The following PRKN variants were observed in gnomAD, a reference collection of about 807,000 sequenced individuals.
The protein encoded by PRKN is E3 ubiquitin-protein ligase parkin.
In PRKN, 56 loss-of-function variants were observed where a neutral mutation model predicts 59.5. The observed-to-expected ratio is 0.94, with a 90% CI of 0.76 to 1.18. The LOEUF (loss-of-function observed/expected upper bound fraction) is 1.18, where lower values mean the gene tolerates loss of function less well. PRKN is among the 50% of genes most tolerant of loss of function. PRKN has a pLI of 0.00. For synonymous variants in PRKN, 250 were observed against 222.1 expected (o/e 1.13, Z -1.12); for missense variants, 657 against 596.4 (o/e 1.10, Z -1.06).
chr6:161,982,012 A>C (rs946671138), intron 5 of PRKN, among the ~76,000 whole-genome samples: 2 of 152,206 alleles, frequency 1.3e-5, no homozygotes, highest in Non-Finnish European at 2.9e-5. Context: ...TTTATGGTAC[A>C]TGTCTTCAAG....
At chr6:162,250,838 T>G (rs895373403) in intron 3 of PRKN, among the ~76,000 whole-genome samples, 2 of 152,216 alleles carry the variant, frequency 1.3e-5, no homozygotes, top group African/African-American at 2.4e-5. Flanking sequence ...TTTTTTTAAT[T>G]ATCAATTTCC....
intron 3 of PRKN, among the ~76,000 whole-genome samples, chr6:162,209,276 G>T (rs950486951): frequency 6.6e-6 from 1 of 152,118 alleles, no homozygotes; most frequent in South Asian, 2.1e-4. Context: ...CCATCAAAAA[G>T]TGGGCAAAGG....
chr6:161,522,971 T>C (rs1778890729), intron 9 of PRKN, among the ~76,000 whole-genome samples: 1 of 152,250 alleles, frequency 6.6e-6, no homozygotes, highest in Non-Finnish European at 1.5e-5. Context: ...AACTTACTTA[T>C]CTATCTTTGA....
At chr6:162,328,980 A>G (rs1168055366) in intron 2 of PRKN, among the ~76,000 whole-genome samples, 1 of 152,188 alleles carries the variant, frequency 6.6e-6, no homozygotes, top group Non-Finnish European at 1.5e-5. Context: ...CAAGAATATT[A>G]AGGTCCTGAA....
chr6:161,367,380 C>T (rs549360461), intron 10 of PRKN, among the ~76,000 whole-genome samples: 2 of 152,066 alleles, frequency 1.3e-5, no homozygotes, highest in Non-Finnish European at 2.9e-5. Flanking sequence ...TCACGCTGAC[C>T]TCCTGGGACT....
rs1292474007 is a variant in PRKN at position 162,584,879 on chromosome 6, C to T, written c.8-141406G>A. 2.1e-3 allele frequency among the ~76,000 whole-genome samples: 93 copies of T among 43,278 alleles called. 7 individuals are homozygous for T. Among genetic ancestry groups the T allele is most frequent in the African/African-American group, 7.6e-3 (91 of 11,978 alleles). The allele number at this position is 43,278 out of a possible 152,430, so 28.4% of individuals were successfully genotyped here. A position where few individuals can be genotyped will look rare whatever the true frequency, so the allele number is the denominator to read the frequency against. On this transcript the variant is annotated intron_variant, in intron 1 of 11. Coordinates refer to ENST00000366898, the MANE Select transcript of PRKN (RefSeq NM_004562.3). ...CCCATCTCCTCCCCTCCCCTCCCCT[C>T]CCCTCCCCTCCCCTCCCCTCTCCTC...
intron 6 of PRKN, among the ~76,000 whole-genome samples, chr6:161,815,109 C>T (rs1313660813): frequency 6.6e-6 from 1 of 152,184 alleles, no homozygotes; most frequent in African/African-American, 2.4e-5. Flanking sequence ...GCATTTCATC[C>T]CCAATTCATT....
chr6:162,232,830 G>A lies in PRKN; in HGVS notation c.412+29695C>T, dbSNP rs561877753. ...AATGCCAGTATCTGCACAAAGCGTG[G>A]TGTGTAAACTACAGGCTTTAGAGGA... On this transcript the variant is annotated intron_variant, in intron 3 of 11. Coordinates refer to ENST00000366898, the MANE Select transcript of PRKN (RefSeq NM_004562.3). 5.3e-5 allele frequency among the ~76,000 whole-genome samples: 8 copies of A among 152,200 alleles called. No homozygotes were observed. In the South Asian group the frequency reaches 8.3e-4, roughly 16 times the overall value.
Position 161,363,241 on chromosome 6 carries a change from C to G in PRKN, c.1168-3036G>C, listed in dbSNP as rs966882968. Among the ~76,000 whole-genome samples the G allele has an allele frequency of 6.6e-6, 1 of 151,518 alleles. No individual in the cohort carries two copies. Among genetic ancestry groups the G allele is most frequent in the Admixed American group, 6.6e-5 (1 of 15,222 alleles). On this transcript the variant is annotated intron_variant, in intron 10 of 11. Transcript: ENST00000366898. The surrounding 1 kb of genome is among the most constrained non-coding windows in gnomAD (Gnocchi z 4.1). The stretch of plus-strand genomic sequence containing the variant: ...CCGGTGATGGAGTGGGACTCTGTCT[C>G]AAAAAAACTTAACTGAGTATAAACT...
chr6:162,677,510 T>C (rs2128231816), intron 1 of PRKN, among the ~76,000 whole-genome samples: 1 of 146,988 alleles, frequency 6.8e-6, no homozygotes, highest in African/African-American at 2.5e-5. Flanking sequence ...CCTGAAATTA[T>C]CATATTTAAT....
chr6:162,399,874 A>C lies in PRKN; in HGVS notation c.171+43436T>G, dbSNP rs145372590. On this transcript the variant is annotated intron_variant, in intron 2 of 11. Coordinates refer to ENST00000366898, the MANE Select transcript of PRKN (RefSeq NM_004562.3). Reference sequence around the variant, plus strand: ...CAAGGAAAAAGATAGAAAAAAGAACAATGAGCTAAACGGCCTGTATGATTT... The same window carrying C: ...CAAGGAAAAAGATAGAAAAAAGAACCATGAGCTAAACGGCCTGTATGATTT... Among the ~76,000 whole-genome samples the C allele has an allele frequency of 1.3e-3, 204 of 152,322 alleles. 1 individual carries two copies. Among genetic ancestry groups the C allele is most frequent in the African/African-American group, 4.6e-3 (192 of 41,586 alleles).
chr6:162,246,049 C>G (rs1779179257), intron 3 of PRKN, among the ~76,000 whole-genome samples: 2 of 152,142 alleles, frequency 1.3e-5, no homozygotes, highest in Admixed American at 6.6e-5. Flanking sequence ...TATAAATTCT[C>G]TACATGGCTT....
At chr6:161,728,554 G>A (rs1490586850) in intron 7 of PRKN, among the ~76,000 whole-genome samples, 4 of 152,016 alleles carry the variant, frequency 2.6e-5, no homozygotes, top group Non-Finnish European at 5.9e-5. Context: ...AAATTTGGGG[G>A]GAAAATATTG....
At chr6:162,041,560 A>T (rs972215732) in intron 5 of PRKN, among the ~76,000 whole-genome samples, 2 of 152,114 alleles carry the variant, frequency 1.3e-5, no homozygotes, top group Non-Finnish European at 2.9e-5. Flanking sequence ...TTAGGTTGTT[A>T]CTGTGGTTTA....
Position 161,354,393 on chromosome 6 carries a change from G to A in PRKN, c.1286-4182C>T, listed in dbSNP as rs1485948053. Among the ~76,000 whole-genome samples, 1 of 152,166 alleles carries A rather than the reference G, an allele frequency of 6.6e-6. No individual in the cohort carries two copies. Among genetic ancestry groups the A allele is most frequent in the Non-Finnish European group, 1.5e-5 (1 of 68,026 alleles). Reference sequence around the variant, plus strand: ...CCATGAAAAGCTCAGCCTACGCCGGGCAGTCGACATCGTGGCTCCGGCCAG... The same window carrying A: ...CCATGAAAAGCTCAGCCTACGCCGGACAGTCGACATCGTGGCTCCGGCCAG... On this transcript the variant is annotated intron_variant, in intron 11 of 11. Transcript: ENST00000366898. The surrounding 1 kb of genome is among the most constrained non-coding windows in gnomAD (Gnocchi z 6.7).
intron 5 of PRKN, among the ~76,000 whole-genome samples, chr6:161,991,414 A>G (rs964417861): frequency 2.6e-5 from 4 of 152,222 alleles, no homozygotes; most frequent in African/African-American, 9.6e-5. Context: ...AAGAAGGAAC[A>G]AAGCATATGC....
intron 7 of PRKN, among the ~76,000 whole-genome samples, chr6:161,636,989 A>T (rs981080838): frequency 1.3e-5 from 2 of 152,214 alleles, no homozygotes; most frequent in Admixed American, 1.3e-4. Context: ...CCACGCCATC[A>T]CATAAAATGC....
At chr6:161,748,431 T>C (rs1431415337) in intron 7 of PRKN, among the ~76,000 whole-genome samples, 1 of 151,162 alleles carries the variant, frequency 6.6e-6, no homozygotes, top group Non-Finnish European at 1.5e-5. Context: ...GCTCCCAGAG[T>C]AGAAAGCATG....
At position 161,593,532 on chromosome 6, in the gene PRKN, G is replaced by A. The variant is rs554887671; in HGVS notation, c.872-24116C>T. On this transcript the variant is annotated intron_variant, in intron 7 of 11. Transcript: ENST00000366898. The surrounding 1 kb of genome is among the most constrained non-coding windows in gnomAD (Gnocchi z 4.8). Reference sequence around the variant, plus strand: ...TGGTCAGCAGTGCAGCGGTCAGGTGGGAGGTGATGGCACCTGGGGGCTGGA... The same window carrying A: ...TGGTCAGCAGTGCAGCGGTCAGGTGAGAGGTGATGGCACCTGGGGGCTGGA... 2.6e-5 allele frequency among the ~76,000 whole-genome samples: 4 copies of A among 152,254 alleles called. No homozygotes were observed. In the East Asian group the frequency reaches 7.7e-4, roughly 29 times the overall value.
Sources: allele counts gnomAD v4.1 joint callset (sites outside exome capture counted in the v4.1 genomes callset), GRCh38; gene constraint gnomAD v4.1.1; non-coding constraint Gnocchi (gnomAD v3.1); transcripts MANE v1.5; gene names NCBI Gene and HGNC (gene_info 2026-07-23, HGNC 2026-07-21).